Variants in DNM1 observed in about 807,000 individuals in gnomAD.
DNM1 encodes the protein dynamin-1.
In DNM1, 29 loss-of-function variants were observed where a neutral mutation model predicts 104.6. That is an observed-to-expected ratio of 0.28 (90% confidence interval 0.21 to 0.38). The LOEUF (loss-of-function observed/expected upper bound fraction) is 0.38, where lower values mean the gene tolerates loss of function less well. Ranked by LOEUF, DNM1 falls within the 10% of genes least tolerant of loss-of-function variation. The pLI, the probability that DNM1 is intolerant of heterozygous loss-of-function variation, is 1.00. For synonymous variants in DNM1, 445 were observed against 475.8 expected (o/e 0.94, Z 0.84); for missense variants, 640 against 1,189.4 (o/e 0.54, Z 6.79).
At position 128,220,363 on chromosome 9, in the gene DNM1, G is replaced by A; in HGVS notation, c.849+22G>A. 2 of 1,610,796 alleles carry A rather than the reference G, an allele frequency of 1.2e-6. No individual in the cohort carries two copies. Among genetic ancestry groups the A allele is most frequent in the Non-Finnish European group, 1.7e-6 (2 of 1,178,890 alleles). The stretch of plus-strand genomic sequence containing the variant: ...TCAGGTAGGCGACCAAGCCAGGATG[G>A]GGCCTGGGGAAACAAGCATGAAAAC... On this transcript the variant is annotated intron_variant, in intron 6 of 21. Transcript: ENST00000372923. The surrounding 1 kb of genome is among the most constrained non-coding windows in gnomAD (Gnocchi z 5.2).
In DNM1 at chr9:128,220,540, G is replaced by A. The variant is rs887912489; in HGVS notation, c.849+199G>A. Among the ~76,000 whole-genome samples, 1 of 152,180 alleles carries A rather than the reference G, an allele frequency of 6.6e-6. No homozygotes were observed. The highest frequency in any genetic ancestry group is 1.5e-5 in the Non-Finnish European group (1 of 68,038). ...GCTTCACTGACCTTTCCCTGTCTGGGACCTGCCAGGGAAGCCCTGGAAGTC... is the reference window on the plus strand; with the variant it reads ...GCTTCACTGACCTTTCCCTGTCTGGAACCTGCCAGGGAAGCCCTGGAAGTC... On this transcript the variant is annotated intron_variant, in intron 6 of 21. Coordinates refer to ENST00000372923, the MANE Select transcript of DNM1 (RefSeq NM_004408.4). The surrounding 1 kb of genome is among the most constrained non-coding windows in gnomAD (Gnocchi z 5.2).
At chr9:128,231,450 C>T (rs1835691020) in intron 10 of DNM1, among the ~76,000 whole-genome samples, 1 of 152,136 alleles carries the variant, frequency 6.6e-6, no homozygotes, top group African/African-American at 2.4e-5. Flanking sequence ...ATCTGCCCAC[C>T]TCGGCCTCCC....
intron 1 of DNM1, among the ~76,000 whole-genome samples, chr9:128,204,625 AGG>A (rs1833792117): frequency 6.6e-6 from 1 of 152,052 alleles, no homozygotes; most frequent in African/African-American, 2.4e-5. Flanking sequence ...TCTGGTGCTG[AGG>A]AGAGAGAAGA....
Position 128,254,569 on chromosome 9 carries a change from C to CCCCGG in DNM1, c.2535-82_2535-78dup. Reference sequence around the variant, plus strand: ...CCCACCACTGCTGCGGCGCGGCCGGCCCCGGCCGTGTGCTGCGCTTGCCTT... The same window carrying CCCCGG: ...CCCACCACTGCTGCGGCGCGGCCGGCCCCGGCCCGGCCGTGTGCTGCGCTTGCCTT... On this transcript the variant is annotated intron_variant, in intron 21 of 21. Coordinates refer to ENST00000372923, the MANE Select transcript of DNM1 (RefSeq NM_004408.4). The surrounding 1 kb of genome is among the most constrained non-coding windows in gnomAD (Gnocchi z 6.1). 1 of 1,587,268 alleles carries CCCCGG rather than the reference C, an allele frequency of 6.3e-7. No individual in the cohort carries two copies. The highest frequency in any genetic ancestry group is 8.5e-7 in the Non-Finnish European group (1 of 1,173,526).
intron 15 of DNM1, among the ~76,000 whole-genome samples, chr9:128,244,049 C>T (rs540423684): frequency 1.4e-4 from 21 of 150,552 alleles, no homozygotes; most frequent in Admixed American, 1.2e-3. Context: ...AATATGTGGT[C>T]TGCATTTGCA....
chr9:128,254,777 C>A lies in DNM1; in HGVS notation c.*63C>A. ...GCCTGCCTGGACGGCTGTTCTGTGA[C>A]TTGACAGTGGCTCCCCCAGCCCCAA... On this transcript the variant is annotated 3_prime_UTR_variant, in exon 22 of 22. Transcript: ENST00000372923. The surrounding 1 kb of genome is among the most constrained non-coding windows in gnomAD (Gnocchi z 6.1). 1 of 1,434,126 alleles carries A rather than the reference C, an allele frequency of 7.0e-7. No individual in the cohort carries two copies. Among genetic ancestry groups the A allele is most frequent in the Non-Finnish European group, 9.7e-7 (1 of 1,035,750 alleles). The allele number at this position is 1,434,126 out of a possible 1,614,324, so 88.8% of individuals were successfully genotyped here.
At chr9:128,244,850 C>T in intron 15 of DNM1, 1 of 522,470 alleles carries the variant, frequency 1.9e-6, no homozygotes, top group Non-Finnish European at 4.0e-6. Flanking sequence ...GCAGCAGTGT[C>T]TGTCCATCCG....
intron 15 of DNM1, chr9:128,244,873 GC>G: frequency 2.0e-6 from 1 of 491,258 alleles, no homozygotes; most frequent in Admixed American, 2.1e-5. Flanking sequence ...GGGCGCTTCA[GC>G]CCCATCCCCT....
At chr9:128,204,506 C>G (rs1833775769) in intron 1 of DNM1, 1 of 152,264 alleles carries the variant, frequency 6.6e-6, no homozygotes, top group South Asian at 2.1e-4. Flanking sequence ...GCCTAGGTGG[C>G]GGAGAGAGGA....
chr9:128,217,054 G>A (rs772789925), intron 1 of DNM1, among the ~76,000 whole-genome samples: 2 of 152,190 alleles, frequency 1.3e-5, no homozygotes, highest in South Asian at 4.1e-4. Context: ...CAGAGAACCG[G>A]CACCCACAAG....
intron 20 of DNM1, 117 bp from the exon 21 acceptor site, chr9:128,250,608 C>A: frequency 9.6e-7 from 1 of 1,043,740 alleles, no homozygotes; most frequent in Non-Finnish European, 1.3e-6. Flanking sequence ...CTTAGGGGTG[C>A]GGCAGGGAGG....
Position 128,250,121 on chromosome 9 carries a change from G to A in DNM1, c.2083G>A (p.Glu695Lys). The A allele has an allele frequency of 6.2e-7, 1 of 1,614,130 alleles. No individual in the cohort carries two copies. The highest frequency in any genetic ancestry group is 8.5e-7 in the Non-Finnish European group (1 of 1,179,980). The change falls in exon 20 of 22, where the codon GAG becomes AAG. Residue 695 changes from glutamate (E) to lysine (K), a missense_variant. By Grantham distance (56) the Glu-to-Lys change is moderately conservative (BLOSUM62 1). Transcript: ENST00000372923. ...IMHLMINNTK[E>K]FIFSELLANL... ...CCTCTTTGCCTACTCGCAGACCAAG[G>A]AGTTCATCTTCTCGGAGCTGCTGGC... is the stretch of plus-strand genomic sequence containing the variant.
At chr9:128,238,864 G>C (rs543962417) in intron 11 of DNM1, among the ~76,000 whole-genome samples, 1 of 149,926 alleles carries the variant, frequency 6.7e-6, no homozygotes, top group Non-Finnish European at 1.5e-5. Context: ...ACCGTGTTAG[G>C]CAGGATGGTC....
chr9:128,226,625 T>G (rs1194172823), intron 10 of DNM1, among the ~76,000 whole-genome samples: 1 of 152,144 alleles, frequency 6.6e-6, no homozygotes, highest in African/African-American at 2.4e-5. Context: ...GGGTCTGAGG[T>G]CAGGGCCTCC....
intron 11 of DNM1, among the ~76,000 whole-genome samples, chr9:128,238,148 A>G (rs1429772669): frequency 6.6e-6 from 1 of 152,148 alleles, no homozygotes; most frequent in Non-Finnish European, 1.5e-5. Flanking sequence ...ACTTCCATCA[A>G]CAATATATGA....
chr9:128,207,875 C>G (rs905386160), intron 1 of DNM1, among the ~76,000 whole-genome samples: 1 of 151,880 alleles, frequency 6.6e-6, no homozygotes, highest in Admixed American at 6.6e-5. Flanking sequence ...GATGGGGGCA[C>G]GGGTTGGGGA....
In DNM1 at chr9:128,203,410, G is replaced by A. The variant is rs888680935; in HGVS notation, c.-61G>A. On this transcript the variant is annotated 5_prime_UTR_variant, in exon 1 of 22. Transcript: ENST00000372923. This position sits in a 1 kb window ranked among gnomAD's most constrained non-coding sequence, Gnocchi z 5.3. Reference sequence around the variant, plus strand: ...GGCGCGCGGCTGCAGCGGCGGAGCCGGAGTCGGAGCCGGGAGCGCTAGCGG... The same window carrying A: ...GGCGCGCGGCTGCAGCGGCGGAGCCAGAGTCGGAGCCGGGAGCGCTAGCGG... 6 of 1,354,748 alleles carry A rather than the reference G, an allele frequency of 4.4e-6. No individual in the cohort carries two copies. The highest frequency in any genetic ancestry group is 5.7e-6 in the Non-Finnish European group (6 of 1,051,862). The allele number at this position is 1,354,748 out of a possible 1,614,324, so 83.9% of individuals were successfully genotyped here.
At chr9:128,241,517 A>G (rs1836363127) in intron 14 of DNM1, among the ~76,000 whole-genome samples, 1 of 152,154 alleles carries the variant, frequency 6.6e-6, no homozygotes, top group Non-Finnish European at 1.5e-5. Context: ...TTCATACTAC[A>G]AATATGTATT....
At chr9:128,239,644 T>G in intron 12 of DNM1, 84 bp from the exon 13 acceptor site, 3 of 1,440,254 alleles carry the variant, frequency 2.1e-6, no homozygotes, top group Non-Finnish European at 2.9e-6. Flanking sequence ...AGGTTAACCC[T>G]CTGGGTCCTG....
Sources: gnomAD v4.1 joint callset for allele counts (sites outside exome capture counted in the v4.1 genomes callset) on GRCh38, gnomAD v4.1.1 for gene constraint, Gnocchi (gnomAD v3.1) non-coding constraint, MANE v1.5 for transcripts, NCBI Gene and HGNC (gene_info 2026-07-23, HGNC 2026-07-21) for gene names.